Variants in EIF4E3 observed in about 807,000 individuals in gnomAD.
EIF4E3 encodes eukaryotic translation initiation factor 4E family member 3.
Under a neutral mutation model 31.7 loss-of-function variants are expected in EIF4E3, and 26 were observed. That is an observed-to-expected ratio of 0.82 (90% CI 0.60 to 1.14). The LOEUF is 1.14. Among genes scored for constraint, EIF4E3 ranks in the 50% most tolerant of loss-of-function variants. The pLI is 0.00. For missense variants in EIF4E3, 304 were observed against 270.9 expected (o/e 1.12, Z -0.86); for synonymous variants, 128 against 107.7 (o/e 1.19, Z -1.17).
At chr3:71,670,412 AC>A in the EIF4E3 span, among the ~76,000 whole-genome samples, 16 of 147,922 alleles carry the variant, frequency 1.1e-4, no homozygotes, top group South Asian at 2.2e-4. Context: ...CCTCCATTGC[AC>A]CCCCCCAACC....
intron 1 of EIF4E3, among the ~76,000 whole-genome samples, chr3:71,723,388 G>T (rs2049580940): frequency 6.6e-6 from 1 of 152,124 alleles, no homozygotes; most frequent in South Asian, 2.1e-4. Context: ...AATTAATACA[G>T]CCATTTCTAT....
rs1008376648 is a variant in EIF4E3, at chr3:71,679,641, A to G, written c.*5041T>C. The G allele has an allele frequency of 6.6e-6, 1 of 152,180 alleles. No individual in the cohort carries two copies. Among genetic ancestry groups the G allele is most frequent in the Non-Finnish European group, 1.5e-5 (1 of 68,024 alleles). The allele number at this position is 152,180 out of a possible 1,614,324, so 9.4% of individuals were successfully genotyped here. A position where few individuals can be genotyped will look rare whatever the true frequency, so the allele number is the denominator to read the frequency against. ...TGAACAAAAAAATACTGACTTTGCA[A>G]TGACTTTTGCTTATCACTCACATCG... On this transcript the variant is annotated 3_prime_UTR_variant, in exon 7 of 7. Coordinates refer to ENST00000425534, the MANE Select transcript of EIF4E3 (RefSeq NM_001134651.2).
intron 5 of EIF4E3, among the ~76,000 whole-genome samples, chr3:71,691,714 A>C (rs2049066195): frequency 6.6e-6 from 1 of 152,246 alleles, no homozygotes. Context: ...ACATTTAAAC[A>C]AAAGAGTCAA....
Position 71,677,981 on chromosome 3 carries a change from A to G in EIF4E3, c.*6701T>C, listed in dbSNP as rs2048887044. The G allele has an allele frequency of 6.6e-6, 1 of 152,190 alleles. No individual in the cohort carries two copies. Among genetic ancestry groups the G allele is most frequent in the African/African-American group, 2.4e-5 (1 of 41,454 alleles). 9.4% of individuals were successfully genotyped at this position (152,190 alleles called of 1,614,324 possible). A position where few individuals can be genotyped will look rare whatever the true frequency, so the allele number is the denominator to read the frequency against. On this transcript the variant is annotated 3_prime_UTR_variant, in exon 7 of 7. Transcript: ENST00000425534. ...TTTCTAAGAGACCCAGATGAGCCCTATTATCAAATGTGTTCAACAGGGAAG... is the reference window on the plus strand; with the variant it reads ...TTTCTAAGAGACCCAGATGAGCCCTGTTATCAAATGTGTTCAACAGGGAAG...
chr3:71,694,046 A>T (rs2049100752), intron 4 of EIF4E3, 105 bp from the exon 5 acceptor site: 1 of 1,136,358 alleles, frequency 8.8e-7, no homozygotes, highest in Non-Finnish European at 1.2e-6. Flanking sequence ...CTTCACATGC[A>T]CTTTCTGTGC....
intron 2 of EIF4E3, among the ~76,000 whole-genome samples, chr3:71,706,378 C>T (rs560240110): frequency 6.6e-6 from 1 of 152,182 alleles, no homozygotes; most frequent in Admixed American, 6.5e-5. Flanking sequence ...GCTAAAGGGC[C>T]TCAAAGTATA....
chr3:71,737,732 C>A (rs2049777679), intron 1 of EIF4E3, among the ~76,000 whole-genome samples: 1 of 151,980 alleles, frequency 6.6e-6, no homozygotes, highest in Non-Finnish European at 1.5e-5. Flanking sequence ...TCAAGACCGG[C>A]CTGGGTAGCA....
Position 71,709,493 on chromosome 3 carries a change from C to T in EIF4E3, c.249+919G>A, listed in dbSNP as rs2049344054. 2.6e-5 allele frequency among the ~76,000 whole-genome samples: 4 copies of T among 152,272 alleles called. No individual in the cohort carries two copies. The South Asian group carries it at 6.2e-4, about 24-fold the overall frequency. On this transcript the variant is annotated intron_variant, in intron 2 of 6. Transcript: ENST00000425534. ...ATCCTGGGCTCAAGTGATCATTGTA[C>T]CTCAGCCTCCCAAGTAGCTGGGACC...
intron 3 of EIF4E3, among the ~76,000 whole-genome samples, chr3:71,697,565 C>T (rs1051026322): frequency 3.9e-5 from 6 of 151,982 alleles, no homozygotes; most frequent in African/African-American, 1.5e-4. Flanking sequence ...TTATCACCCC[C>T]ACAACTTCCC....
At position 71,699,727 on chromosome 3, in the gene EIF4E3, C is replaced by G; in HGVS notation, c.250-19G>C. ...AAAATATCTTTAAAAGAAAAACAAACACTTTGTTTAATATACCCAGTATTG... is the reference window on the plus strand; with the variant it reads ...AAAATATCTTTAAAAGAAAAACAAAGACTTTGTTTAATATACCCAGTATTG... On this transcript the variant is annotated intron_variant, in intron 2 of 6. Coordinates refer to ENST00000425534, the MANE Select transcript of EIF4E3 (RefSeq NM_001134651.2). The G allele has an allele frequency of 6.3e-7, 1 of 1,580,496 alleles. No individual in the cohort carries two copies. Among genetic ancestry groups the G allele is most frequent in the Non-Finnish European group, 8.7e-7 (1 of 1,152,526 alleles).
At chr3:71,720,569 A>T (rs1187082918) in intron 1 of EIF4E3, among the ~76,000 whole-genome samples, 2 of 152,190 alleles carry the variant, frequency 1.3e-5, no homozygotes, top group African/African-American at 4.8e-5. Context: ...GTAGTGGTGG[A>T]GATCCAGAAT....
intron 1 of EIF4E3, among the ~76,000 whole-genome samples, chr3:71,710,685 G>A (rs1485780431): frequency 6.6e-6 from 1 of 152,022 alleles, no homozygotes; most frequent in Admixed American, 6.6e-5. Context: ...CTAAAAATCA[G>A]CAGATTTATT....
intron 1 of EIF4E3, among the ~76,000 whole-genome samples, chr3:71,741,461 A>C (rs2049820490): frequency 6.6e-6 from 1 of 152,196 alleles, no homozygotes; most frequent in Non-Finnish European, 1.5e-5. Context: ...CAGTTCATCA[A>C]GAGGATATAA....
chr3:71,699,174 C>T (rs1460413085), intron 3 of EIF4E3, among the ~76,000 whole-genome samples: 5 of 152,014 alleles, frequency 3.3e-5, no homozygotes, highest in Non-Finnish European at 7.4e-5. Flanking sequence ...CTGTGGTGAG[C>T]CGTGATGGTG....
chr3:71,702,801 T>C (rs905274126), intron 2 of EIF4E3, among the ~76,000 whole-genome samples: 2 of 151,592 alleles, frequency 1.3e-5, no homozygotes, highest in Non-Finnish European at 2.9e-5. Context: ...AGGTAGAATA[T>C]TTGTGAAGTA....
chr3:71,669,971 A>G, the EIF4E3 span, among the ~76,000 whole-genome samples: 1 of 152,246 alleles, frequency 6.6e-6, no homozygotes, highest in Non-Finnish European at 1.5e-5. Context: ...CCTTGAGGAC[A>G]AGACACAACA....
downstream of EIF4E3, among the ~76,000 whole-genome samples, chr3:71,672,796 T>A (rs189347040): frequency 0.016 from 2,466 of 152,170 alleles, 60 homozygotes; most frequent in Admixed American, 0.069. Context: ...TTTTTTTTTT[T>A]AAACCTTTTC....
At chr3:71,685,753 C>T (rs960590014) in intron 6 of EIF4E3, among the ~76,000 whole-genome samples, 11 of 152,218 alleles carry the variant, frequency 7.2e-5, no homozygotes, top group Non-Finnish European at 1.5e-4. Flanking sequence ...GGGAGACCTA[C>T]GAAATACATA....
chr3:71,747,198 T>C (rs576475710), intron 1 of EIF4E3, among the ~76,000 whole-genome samples: 1 of 152,098 alleles, frequency 6.6e-6, no homozygotes, highest in African/African-American at 2.4e-5. Flanking sequence ...TTTTGAGGAG[T>C]TGCCAAATCA....
Sources: gnomAD v4.1 joint callset for allele counts (sites outside exome capture counted in the v4.1 genomes callset) on GRCh38, gnomAD v4.1.1 for gene constraint, MANE v1.5 for transcripts, NCBI Gene and HGNC (gene_info 2026-07-23, HGNC 2026-07-21) for gene names.